The following CALD1 variants were observed in gnomAD, a reference collection of about 807,000 sequenced individuals.
CALD1 encodes caldesmon.
Under a neutral mutation model 99.9 loss-of-function variants are expected in CALD1, and 33 were observed. The observed-to-expected ratio is 0.33, with a 90% CI of 0.25 to 0.44. CALD1 has a LOEUF of 0.44. Ranked by LOEUF, CALD1 falls within the 20% of genes least tolerant of loss-of-function variation. The pLI, the probability that CALD1 is intolerant of heterozygous loss-of-function variation, is 1.00. For missense variants in CALD1, 861 were observed against 962.1 expected (o/e 0.89, Z 1.39); for synonymous variants, 310 against 325.0 (o/e 0.95, Z 0.50).
intron 1 of CALD1, among the ~76,000 whole-genome samples, chr7:134,788,927 A>C (rs560449850): frequency 6.6e-6 from 1 of 151,582 alleles, no homozygotes; most frequent in Admixed American, 6.6e-5. Context: ...AGGTGGGAGG[A>C]TCACATGAGC....
In CALD1 at chr7:134,789,577, G is replaced by A. The variant is rs1797440883; in HGVS notation, c.-130+9828G>A. Among the ~76,000 whole-genome samples the A allele has an allele frequency of 3.3e-5, 5 of 152,160 alleles. No homozygotes were observed. In the South Asian group the frequency reaches 1.0e-3, roughly 32 times the overall value. On this transcript the variant is annotated intron_variant, in intron 1 of 14. Coordinates refer to ENST00000361675, the MANE Select transcript of CALD1 (RefSeq NM_033138.4). The stretch of plus-strand genomic sequence containing the variant: ...GTAATATCTTGAAACTGCTTTGCAC[G>A]TACATGATAGACACTCAATTACAAA...
chr7:134,893,994 C>T (rs985408504), intron 3 of CALD1, among the ~76,000 whole-genome samples: 1 of 152,068 alleles, frequency 6.6e-6, no homozygotes, highest in African/African-American at 2.4e-5. Context: ...CTGCATTTTA[C>T]GTATGATAAC....
chr7:134,759,808 AG>A (rs1796760930), intron 1 of CALD1, among the ~76,000 whole-genome samples: 1 of 152,244 alleles, frequency 6.6e-6, no homozygotes, highest in Admixed American at 6.5e-5. Flanking sequence ...ATTCTCATGA[AG>A]GGTGGAGGAA....
At chr7:134,776,975 C>A (rs1796923396), upstream of CALD1, among the ~76,000 whole-genome samples, 1 of 151,892 alleles carries the variant, frequency 6.6e-6, no homozygotes, top group Non-Finnish European at 1.5e-5. Flanking sequence ...TTGATCTAGC[C>A]TATGATAGAC....
At chr7:134,734,959 TG>T in the CALD1 span, 1 of 201,190 alleles carries the variant, frequency 5.0e-6, no homozygotes, top group Non-Finnish European at 1.0e-5. Context: ...CGTGGCATCA[TG>T]GTACTGTTGG....
At position 134,772,939 on chromosome 7, in the gene CALD1, T is replaced by C. The variant is rs1266942837; in HGVS notation, c.-130+28576T>C. On this transcript the variant is annotated intron_variant, in intron 1 of 13. Transcript: ENST00000417172. ...CTCTATCCTGGGTTTGCATTCTCTG[T>C]TTCCTGATTTTTGTCCTCCTTCTTG... 2.6e-5 allele frequency among the ~76,000 whole-genome samples: 4 copies of C among 152,220 alleles called. No individual in the cohort carries two copies. The East Asian group carries it at 7.7e-4, about 29-fold the overall frequency.
chr7:134,885,378 A>G (rs929694689), intron 3 of CALD1, among the ~76,000 whole-genome samples: 1 of 152,186 alleles, frequency 6.6e-6, no homozygotes, highest in Non-Finnish European at 1.5e-5. Flanking sequence ...CACATAATGG[A>G]TTATTTCTCT....
intron 2 of CALD1, 63 bp downstream of exon 2, chr7:134,844,034 G>T (rs1365040022): frequency 1.3e-5 from 2 of 152,188 alleles, no homozygotes; most frequent in Non-Finnish European, 2.9e-5. Context: ...CACAGCCTCT[G>T]TGCCTGATAT....
At chr7:134,754,862 G>T (rs1796714376) in intron 1 of CALD1, among the ~76,000 whole-genome samples, 1 of 152,084 alleles carries the variant, frequency 6.6e-6, no homozygotes, top group African/African-American at 2.4e-5. Flanking sequence ...AGACGATCAG[G>T]AAAAGTAAAA....
the CALD1 span, among the ~76,000 whole-genome samples, chr7:134,723,784 C>G: frequency 6.6e-6 from 1 of 152,114 alleles, no homozygotes; most frequent in African/African-American, 2.4e-5. Flanking sequence ...AAGAATGCAC[C>G]TGTTCCAAAT....
At chr7:134,848,607 ATGCAAACATAC>A (rs1483340383) in intron 2 of CALD1, among the ~76,000 whole-genome samples, 1 of 152,186 alleles carries the variant, frequency 6.6e-6, no homozygotes, top group Non-Finnish European at 1.5e-5. Context: ...ACGAGAATGA[ATGCAAACATAC>A]TGCATTCATG....
chr7:134,752,708 T>TA (rs1796694971), intron 1 of CALD1, among the ~76,000 whole-genome samples: 1 of 152,120 alleles, frequency 6.6e-6, no homozygotes, highest in East Asian at 1.9e-4. Context: ...TTATCAAAAA[T>TA]ACACTTTTCA....
At chr7:134,831,605 C>T (rs1799224499) in intron 1 of CALD1, among the ~76,000 whole-genome samples, 1 of 152,132 alleles carries the variant, frequency 6.6e-6, no homozygotes, top group African/African-American at 2.4e-5. Flanking sequence ...AGGCATGAGC[C>T]ACCGCACCCG....
chr7:134,734,592 C>G, the CALD1 span, among the ~76,000 whole-genome samples: 1 of 152,108 alleles, frequency 6.6e-6, no homozygotes, highest in African/African-American at 2.4e-5. Context: ...TGTGGAGGGA[C>G]CCGGTGGGAG....
chr7:134,854,882 G>A (rs113100585), intron 2 of CALD1, among the ~76,000 whole-genome samples: 4 of 152,204 alleles, frequency 2.6e-5, no homozygotes, highest in African/African-American at 9.7e-5. Flanking sequence ...GGCCTGGTGG[G>A]AGGTGATTGG....
rs1806983610 is a variant in CALD1, at chr7:134,947,506, A to G, written c.1533-2A>G. 2.6e-6 allele frequency: 4 copies of G among 1,566,816 alleles called. No individual in the cohort carries two copies. Among genetic ancestry groups the G allele is most frequent in the Non-Finnish European group, 3.5e-6 (4 of 1,155,468 alleles). ...CCCCTTTCCATTGCCCCCCAACCAC[A>G]GCCGCCCTGGAGGGAGGGCCAGCGT... On this transcript the variant is annotated splice_acceptor_variant, in intron 7 of 14. Transcript: ENST00000361675. LOFTEE classifies it high-confidence loss of function.
intron 3 of CALD1, among the ~76,000 whole-genome samples, chr7:134,883,096 T>A (rs1043933597): frequency 2.0e-5 from 3 of 152,304 alleles, no homozygotes; most frequent in Admixed American, 6.5e-5. Context: ...ACACTCAAAG[T>A]ACGTAAACCC....
At chr7:134,891,684 AT>A in intron 3 of CALD1, 1 of 1,559,758 alleles carries the variant, frequency 6.4e-7, no homozygotes, top group South Asian at 1.2e-5. Context: ...GTGAGTCCTC[AT>A]TTCGTCTCTT....
chr7:134,748,177 T>C (rs944289744), intron 1 of CALD1, among the ~76,000 whole-genome samples: 7 of 152,376 alleles, frequency 4.6e-5, no homozygotes, highest in African/African-American at 1.7e-4. Flanking sequence ...TTCTTTACTA[T>C]TTCTCCATCT....
Sources: gnomAD v4.1 joint callset for allele counts (sites outside exome capture counted in the v4.1 genomes callset) on GRCh38, gnomAD v4.1.1 for gene constraint, MANE v1.5 for transcripts, NCBI Gene and HGNC (gene_info 2026-07-23, HGNC 2026-07-21) for gene names.